The following LRP8 variants were observed in gnomAD, a reference collection of about 807,000 sequenced individuals.
LRP8 encodes low-density lipoprotein receptor-related protein 8.
A neutral mutation model predicts 111.6 loss-of-function variants in LRP8; 46 were observed. The ratio of observed to expected loss-of-function variants is 0.41; its 90% CI spans 0.33 to 0.53. The LOEUF is 0.53. Ranked by LOEUF, LRP8 falls within the 20% of genes least tolerant of loss-of-function variation. The pLI, the probability that LRP8 is intolerant of heterozygous loss-of-function variation, is 0.20. For synonymous variants in LRP8, 464 were observed against 511.2 expected, an observed-to-expected ratio of 0.91 and a Z score of 1.24; for missense variants, 959 against 1,297.4, an observed-to-expected ratio of 0.74 and a Z score of 4.01.
chr1:53,287,948 T>C (rs1469703455), intron 3 of LRP8: 7 of 119,570 alleles, frequency 5.9e-5, no homozygotes, highest in African/African-American at 2.3e-4. Flanking sequence ...GAATGGAAGA[T>C]GAAAAGGGAC....
intron 14 of LRP8, 108 bp downstream of exon 14, chr1:53,258,211 A>C: frequency 8.8e-7 from 1 of 1,141,108 alleles, no homozygotes; most frequent in Non-Finnish European, 1.2e-6. Flanking sequence ...TAACCAGGGA[A>C]GATGGAAGAA....
rs1647047127 is a variant in LRP8 at position 53,279,848 on chromosome 1, C to A, written c.496+739G>T. ...ACTGTGTAGGATTCACCTCACTGTC[C>A]CTTTCAGAGCCTGGCTTCAGGCCTG... On this transcript the variant is annotated intron_variant, in intron 4 of 18. Coordinates refer to ENST00000306052, the MANE Select transcript of LRP8 (RefSeq NM_004631.5). This position sits in a 1 kb window ranked among gnomAD's most constrained non-coding sequence, Gnocchi z 4.4. Among the ~76,000 whole-genome samples, 1 of 152,200 alleles carries A rather than the reference C, an allele frequency of 6.6e-6. No individual in the cohort carries two copies.
intron 9 of LRP8, among the ~76,000 whole-genome samples, chr1:53,265,102 T>C (rs1646501514): frequency 6.6e-6 from 1 of 151,920 alleles, no homozygotes; most frequent in Non-Finnish European, 1.5e-5. Context: ...GGTGGGAGAT[T>C]AAGAGAGTCT....
At chr1:53,290,636 T>A (rs767783922) in intron 2 of LRP8, among the ~76,000 whole-genome samples, 1 of 152,174 alleles carries the variant, frequency 6.6e-6, no homozygotes, top group Admixed American at 6.5e-5. Context: ...CTTTACTGCC[T>A]TCTGTGTCTT....
In LRP8 at chr1:53,317,463, C is replaced by T. The variant is rs535983040; in HGVS notation, c.244+9410G>A. On this transcript the variant is annotated intron_variant, in intron 2 of 18. Transcript: ENST00000306052. The surrounding 1 kb of genome is among the most constrained non-coding windows in gnomAD (Gnocchi z 4.9). ...TGGGATGAGATGGCTCCGACAGTCC[C>T]TCCCAGCCCGAGGAGCTGCTGTTCT... Among the ~76,000 whole-genome samples the T allele has an allele frequency of 6.6e-6, 1 of 152,344 alleles. No homozygotes were observed. The highest frequency in any genetic ancestry group is 1.9e-4 in the East Asian group (1 of 5,182).
intron 2 of LRP8, among the ~76,000 whole-genome samples, chr1:53,309,254 G>A (rs547386010): frequency 8.5e-5 from 13 of 152,214 alleles, no homozygotes; most frequent in Admixed American, 2.0e-4. Flanking sequence ...CAGGCTGGGC[G>A]ACAGAGTGAG....
At chr1:53,282,829 C>G (rs1557798717) in intron 3 of LRP8, among the ~76,000 whole-genome samples, 1 of 152,144 alleles carries the variant, frequency 6.6e-6, no homozygotes, top group South Asian at 2.1e-4. Context: ...TTTCAATTCA[C>G]TACGATAAAA....
chr1:53,271,326 T>G lies in LRP8; in HGVS notation c.1027A>C (p.Asn343His). The part of the protein sequence containing the change: ...CLQGLNECLH[N>H]NGGCSHICTD... ...CAGATGTGTGAGCAGCCGCCATTGT[T>G]GTGCAGACACTCGTTCAGCCCTGGG... The change falls in exon 7 of 19, where the codon AAC becomes CAC. Residue 343 changes from asparagine (N) to histidine (H), a missense_variant. Coordinates refer to ENST00000306052, the MANE Select transcript of LRP8 (RefSeq NM_004631.5). 6.2e-7 allele frequency: 1 copy of G among 1,614,062 alleles called. No homozygotes were observed. Among genetic ancestry groups the G allele is most frequent in the East Asian group, 2.2e-5 (1 of 44,868 alleles).
intron 2 of LRP8, among the ~76,000 whole-genome samples, chr1:53,299,710 T>C (rs554478991): frequency 5.3e-5 from 8 of 152,370 alleles, no homozygotes; most frequent in Admixed American, 4.6e-4. Flanking sequence ...CTGCTGGCTT[T>C]TCTGGAGAGA....
intron 4 of LRP8, among the ~76,000 whole-genome samples, chr1:53,277,832 T>C (rs1646977498): frequency 6.6e-6 from 1 of 152,188 alleles, no homozygotes. Context: ...TCATGTCCTT[T>C]TCAATCTGCC....
chr1:53,254,349 A>C (rs916610599), intron 16 of LRP8, among the ~76,000 whole-genome samples: 4 of 151,462 alleles, frequency 2.6e-5, no homozygotes, highest in Non-Finnish European at 5.9e-5. Flanking sequence ...TCCTGGCTTT[A>C]CTCATGCTGT....
chr1:53,272,517 G>C (rs918091575), intron 6 of LRP8: 5 of 1,213,058 alleles, frequency 4.1e-6, no homozygotes, highest in South Asian at 2.5e-5. Flanking sequence ...GCATATAGCT[G>C]GTCTGAGCTG....
At chr1:53,307,902 C>T (rs1372866063) in intron 2 of LRP8, among the ~76,000 whole-genome samples, 2 of 152,190 alleles carry the variant, frequency 1.3e-5, no homozygotes, top group African/African-American at 2.4e-5. Context: ...GAGAGGCTTC[C>T]CCCTCACCTG....
rs559784633 is a variant in LRP8 at position 53,287,710 on chromosome 1, C to A, written c.367+1857G>T. Among the ~76,000 whole-genome samples the A allele has an allele frequency of 2.0e-5, 3 of 152,290 alleles. No homozygotes were observed. In the East Asian group the frequency reaches 5.8e-4, roughly 29 times the overall value. On this transcript the variant is annotated intron_variant, in intron 3 of 18. Transcript: ENST00000306052. ...CTCTGGGCCTCCTGTTGTCCCTCAA[C>A]TGTGAAAAGCGGGCCTGGGAGGCAG...
At position 53,284,991 on chromosome 1, in the gene LRP8, C is replaced by T. The variant is rs191967543; in HGVS notation, c.368-4276G>A. On this transcript the variant is annotated intron_variant, in intron 3 of 18. Transcript: ENST00000306052. ...GTCTCTCCTGTGATGTAGCTTTCCCCCAAAGGTAGGACTTGAGCCTGGCTC... is the reference window on the plus strand; with the variant it reads ...GTCTCTCCTGTGATGTAGCTTTCCCTCAAAGGTAGGACTTGAGCCTGGCTC... Among the ~76,000 whole-genome samples, 5 of 152,310 alleles carry T rather than the reference C, an allele frequency of 3.3e-5. No homozygotes were observed. In the East Asian group the frequency reaches 7.7e-4, roughly 24 times the overall value.
At chr1:53,259,762 T>C (rs901735983) in intron 13 of LRP8, among the ~76,000 whole-genome samples, 12 of 152,254 alleles carry the variant, frequency 7.9e-5, no homozygotes, top group African/African-American at 2.9e-4. Flanking sequence ...AGAACTTAAA[T>C]TGAGGTCGGC....
chr1:53,299,462 TCTC>T (rs1048654099), intron 2 of LRP8, among the ~76,000 whole-genome samples: 1 of 152,202 alleles, frequency 6.6e-6, no homozygotes, highest in Non-Finnish European at 1.5e-5. Context: ...GGGAAATCCA[TCTC>T]CTGGTGTGGG....
At position 53,279,305 on chromosome 1, in the gene LRP8, C is replaced by CCT. The variant is rs1401721973; in HGVS notation, c.496+1280_496+1281dup. On this transcript the variant is annotated intron_variant, in intron 4 of 18. Coordinates refer to ENST00000306052, the MANE Select transcript of LRP8 (RefSeq NM_004631.5). This position sits in a 1 kb window ranked among gnomAD's most constrained non-coding sequence, Gnocchi z 4.4. Reference sequence around the variant, plus strand: ...AGAAGCCCAGTAAGACCTTCTGACACCTCTCTCTCCCATAATTAATGGGGA... The same window carrying CCT: ...AGAAGCCCAGTAAGACCTTCTGACACCTCTCTCTCTCCCATAATTAATGGGGA... Among the ~76,000 whole-genome samples, 2 of 152,132 alleles carry CCT rather than the reference C, an allele frequency of 1.3e-5. No individual in the cohort carries two copies. The highest frequency in any genetic ancestry group is 1.9e-4 in the East Asian group (1 of 5,194).
chr1:53,247,136 C>A (rs997914346), intron 18 of LRP8, 80 bp from the exon 19 acceptor site: 1 of 1,125,268 alleles, frequency 8.9e-7, no homozygotes, highest in South Asian at 1.5e-5. Flanking sequence ...CACAGACTTA[C>A]GTTACTTTAA....
Sources: gnomAD v4.1 joint callset for allele counts (sites outside exome capture counted in the v4.1 genomes callset) on GRCh38, gnomAD v4.1.1 for gene constraint, Gnocchi (gnomAD v3.1) non-coding constraint, MANE v1.5 for transcripts, NCBI Gene and HGNC (gene_info 2026-07-23, HGNC 2026-07-21) for gene names.